Variants in DIAPH3 observed in about 807,000 individuals in gnomAD.
DIAPH3 encodes protein diaphanous homolog 3.
A neutral mutation model predicts 144.3 loss-of-function variants in DIAPH3; 117 were observed. The observed-to-expected ratio is 0.81, with a 90% CI of 0.70 to 0.95. The LOEUF (loss-of-function observed/expected upper bound fraction) is 0.95, where lower values mean the gene tolerates loss of function less well. Ranked by LOEUF, DIAPH3 falls within the 40% of genes least tolerant of loss-of-function variation. The pLI is 0.00. For synonymous variants in DIAPH3, 519 were observed against 488.9 expected, an observed-to-expected ratio of 1.06 and a Z score of -0.81; for missense variants, 1,421 against 1,412.7, an observed-to-expected ratio of 1.01 and a Z score of -0.09.
intron 23 of DIAPH3, among the ~76,000 whole-genome samples, chr13:59,834,323 G>A (rs1430273843): frequency 6.6e-6 from 1 of 151,584 alleles, no homozygotes; most frequent in East Asian, 1.9e-4. Context: ...TAACGAAATG[G>A]AACATAGTTA....
intron 25 of DIAPH3, among the ~76,000 whole-genome samples, chr13:59,780,451 TTAGAG>T (rs1247878202): frequency 6.6e-6 from 1 of 152,214 alleles, no homozygotes; most frequent in Non-Finnish European, 1.5e-5. Context: ...TCAGTTTTTC[TTAGAG>T]TAGAATTCAA....
intron 4 of DIAPH3, among the ~76,000 whole-genome samples, chr13:60,092,841 T>C (rs1007075587): frequency 2.6e-5 from 4 of 152,234 alleles, no homozygotes; most frequent in African/African-American, 9.6e-5. Context: ...AAATAACTTA[T>C]GTTCTTGTAA....
At chr13:60,116,392 C>T (rs1318463849) in intron 2 of DIAPH3, among the ~76,000 whole-genome samples, 2 of 152,030 alleles carry the variant, frequency 1.3e-5, no homozygotes, top group Admixed American at 1.3e-4. Flanking sequence ...AAGTTACTAT[C>T]CCTATGTACA....
At position 59,970,055 on chromosome 13, in the gene DIAPH3, T is replaced by A; in HGVS notation, c.1963A>T (p.Arg655Ter). The A allele has an allele frequency of 1.3e-6, 2 of 1,572,292 alleles. No homozygotes were observed. The highest frequency in any genetic ancestry group is 1.7e-6 in the Non-Finnish European group (2 of 1,147,308). The change falls in exon 17 of 28, where the codon AGA becomes TGA. Residue 655 changes from arginine (R) to a stop codon, truncating the protein, a stop_gained. Coordinates refer to ENST00000400324, the MANE Select transcript of DIAPH3 (RefSeq NM_001042517.2). LOFTEE classifies it high-confidence loss of function. The stretch of plus-strand genomic sequence containing the variant: ...CAGTTTTCAGTCATTTCATGAGGTC[T>A]GATCTACAATCAGAGAGAAGACTGA... Reference protein sequence around the residue: ...SMRRLNWLKIRPHEMTENCFW... With the variant: ...SMRRLNWLKI
intron 23 of DIAPH3, among the ~76,000 whole-genome samples, chr13:59,834,586 C>T (rs776653926): frequency 4.6e-5 from 7 of 151,576 alleles, no homozygotes; most frequent in African/African-American, 1.7e-4. Context: ...AAAAAAGAGA[C>T]AGCACTACTG....
intron 27 of DIAPH3, among the ~76,000 whole-genome samples, chr13:59,756,995 A>C (rs2037313016): frequency 1.3e-5 from 2 of 152,206 alleles, no homozygotes; most frequent in Admixed American, 1.3e-4. Context: ...TTGCTAAGAA[A>C]TACTGAGAAG....
intron 27 of DIAPH3, among the ~76,000 whole-genome samples, chr13:59,731,306 A>G (rs927582689): frequency 6.6e-6 from 1 of 152,198 alleles, no homozygotes; most frequent in East Asian, 1.9e-4. Context: ...ACCTCTATGG[A>G]ATGAATTTCT....
intron 27 of DIAPH3, among the ~76,000 whole-genome samples, chr13:59,694,915 TCTGA>T (rs2033719993): frequency 1.3e-5 from 2 of 152,196 alleles, no homozygotes; most frequent in African/African-American, 4.8e-5. Context: ...AATCCATCTG[TCTGA>T]CTGAATCTAG....
At position 59,980,141 on chromosome 13, in the gene DIAPH3, T is replaced by C. The variant is rs567716249; in HGVS notation, c.1545+654A>G. ...AAATGGGTTAAAGAAAAGTAAGGAA[T>C]TGGCTGGATGGTTAGAAATACTACT... On this transcript the variant is annotated intron_variant, in intron 14 of 27. Coordinates refer to ENST00000400324, the MANE Select transcript of DIAPH3 (RefSeq NM_001042517.2). 4.3e-3 allele frequency among the ~76,000 whole-genome samples: 659 copies of C among 151,696 alleles called. 3 individuals carry two copies. Among genetic ancestry groups the C allele is most frequent in the Non-Finnish European group, 7.2e-3 (487 of 67,672 alleles).
chr13:60,109,216 GAC>G (rs1288508253), intron 3 of DIAPH3, among the ~76,000 whole-genome samples: 2 of 152,098 alleles, frequency 1.3e-5, no homozygotes, highest in African/African-American at 2.4e-5. Context: ...GTGTCACAGA[GAC>G]ACACACTTCT....
At chr13:59,782,615 G>A (rs79809594) in intron 25 of DIAPH3, among the ~76,000 whole-genome samples, 2,799 of 152,220 alleles carry the variant, frequency 0.018, 77 homozygotes, top group East Asian at 0.12. Flanking sequence ...TGAAGGAAGA[G>A]GTTGATTCTT....
At chr13:60,137,848 C>T (rs1157247174) in intron 1 of DIAPH3, among the ~76,000 whole-genome samples, 2 of 150,870 alleles carry the variant, frequency 1.3e-5, no homozygotes, top group Admixed American at 6.6e-5. Context: ...CTCAGCCTCT[C>T]GAGTAGCTGG....
At chr13:59,685,151 TGGG>T (rs2033149983) in intron 27 of DIAPH3, among the ~76,000 whole-genome samples, 1 of 151,986 alleles carries the variant, frequency 6.6e-6, no homozygotes, top group African/African-American at 2.4e-5. Context: ...GGGTGAAGGG[TGGG>T]AAGGAGATTT....
intron 17 of DIAPH3, among the ~76,000 whole-genome samples, chr13:59,931,345 C>T (rs2048006539): frequency 6.6e-6 from 1 of 152,152 alleles, no homozygotes; most frequent in South Asian, 2.1e-4. Context: ...GCTTGACTAG[C>T]TGTAGTCTCT....
intron 4 of DIAPH3, among the ~76,000 whole-genome samples, chr13:60,068,614 C>T (rs551255148): frequency 6.6e-6 from 1 of 152,226 alleles, no homozygotes; most frequent in South Asian, 2.1e-4. Context: ...AATGAGCATA[C>T]TACCTGATAG....
At chr13:59,804,261 A>G (rs2040082866) in intron 25 of DIAPH3, among the ~76,000 whole-genome samples, 1 of 152,146 alleles carries the variant, frequency 6.6e-6, no homozygotes, top group African/African-American at 2.4e-5. Context: ...TGACCCTCTC[A>G]CACATTTCCA....
chr13:59,792,396 G>A (rs1216860030), intron 25 of DIAPH3, among the ~76,000 whole-genome samples: 1 of 152,120 alleles, frequency 6.6e-6, no homozygotes, highest in East Asian at 1.9e-4. Flanking sequence ...AGAATAAACT[G>A]TCAATTGAGT....
chr13:59,723,680 G>A (rs567326289), intron 27 of DIAPH3, among the ~76,000 whole-genome samples: 151 of 151,298 alleles, frequency 1.0e-3, no homozygotes, highest in Non-Finnish European at 8.5e-4. Context: ...GCGCAATCTC[G>A]GCTCGCTGCA....
At chr13:59,999,776 A>G (rs571290763) in intron 9 of DIAPH3, among the ~76,000 whole-genome samples, 1 of 152,178 alleles carries the variant, frequency 6.6e-6, no homozygotes, top group Admixed American at 6.6e-5. Flanking sequence ...TCAGATCTGC[A>G]TTGAGTTTGA....
Sources: gnomAD v4.1 joint callset for allele counts (sites outside exome capture counted in the v4.1 genomes callset) on GRCh38, gnomAD v4.1.1 for gene constraint, MANE v1.5 for transcripts, NCBI Gene and HGNC (gene_info 2026-07-23, HGNC 2026-07-21) for gene names.